The following VCL variants were observed in gnomAD, a reference collection of about 807,000 sequenced individuals.
VCL encodes vinculin, also known as epididymis luminal protein 114.
VCL carries 47 observed loss-of-function variants against 125.7 expected under a neutral mutation model. The ratio of observed to expected loss-of-function variants is 0.37; its 90% CI spans 0.30 to 0.48. VCL has a LOEUF of 0.48. VCL is among the 20% of genes least tolerant of loss of function. The probability of loss-of-function intolerance (pLI) is 0.99; values close to 1 mark genes in which losing one functional copy is unlikely to be tolerated. For synonymous variants in VCL, 458 were observed against 514.6 expected, an observed-to-expected ratio of 0.89 and a Z score of 1.49; for missense variants, 1,069 against 1,455.5, an observed-to-expected ratio of 0.73 and a Z score of 4.32.
Position 73,998,328 on chromosome 10 carries a change from A to C in VCL, c.121A>C (p.Thr41Pro). The C allele has an allele frequency of 6.4e-7, 1 of 1,566,092 alleles. No homozygotes were observed. Residue 41 changes from threonine (T) to proline (P), a missense_variant, in exon 1 of 22, where the codon ACC becomes CCC. Thr to Pro is a conservative substitution (Grantham distance 38, BLOSUM62 -1). Transcript: ENST00000211998. ...GGACGGCAAAGCCATTCCTGACCTC[A>C]CCGCGCCCGTGGCCGCCGTGCAGGC... ...EVDGKAIPDL[T>P]APVAAVQAAV...
chr10:74,104,473 T>C (rs1489005214), intron 15 of VCL, among the ~76,000 whole-genome samples: 3 of 152,052 alleles, frequency 2.0e-5, no homozygotes, highest in South Asian at 2.1e-4. Flanking sequence ...AAGGGAGAGA[T>C]AGGAAAGAAG....
chr10:74,013,441 A>G (rs932462248), intron 1 of VCL, among the ~76,000 whole-genome samples: 7 of 152,088 alleles, frequency 4.6e-5, no homozygotes, highest in African/African-American at 1.7e-4. Context: ...ATTCTCTATT[A>G]GTTTTGATCT....
intron 19 of VCL, among the ~76,000 whole-genome samples, chr10:74,112,562 C>T (rs1427955183): frequency 2.0e-5 from 3 of 152,118 alleles, no homozygotes; most frequent in Non-Finnish European, 2.9e-5. Context: ...CTTTATAGGG[C>T]AGGGTCTCTG....
At position 74,109,060 on chromosome 10, in the gene VCL, A is replaced by C. The variant is rs752902180; in HGVS notation, c.2649A>C (p.Glu883Asp). 40 of 1,614,028 alleles carry C rather than the reference A, an allele frequency of 2.5e-5. No homozygotes were observed. The highest frequency in any genetic ancestry group is 2.5e-5 in the Non-Finnish European group (30 of 1,180,026). Residue 883 changes from glutamate (E) to aspartate (D), a missense_variant, in exon 18 of 22, where the codon GAA (glutamate) becomes GAC (aspartate). This residue lies in a region of VCL where 28 missense variants were observed against 65.1 expected (regional missense o/e 0.43). Coordinates refer to ENST00000211998, the MANE Select transcript of VCL (RefSeq NM_014000.3). ...CTCCACCACCAGAGGAAAAGGATGA[A>C]GAGTTCCCTGAGCAGAAGGCCGGGG... ...PRPPPPEEKD[E>D]EFPEQKAGEV...
intron 2 of VCL, among the ~76,000 whole-genome samples, chr10:74,050,672 C>G (rs1377044649): frequency 6.6e-6 from 1 of 152,056 alleles, no homozygotes; most frequent in Non-Finnish European, 1.5e-5. Flanking sequence ...CAATTAATTA[C>G]TTAATCATAT....
At chr10:74,080,301 C>T (rs1363520044) in intron 6 of VCL, among the ~76,000 whole-genome samples, 2 of 151,914 alleles carry the variant, frequency 1.3e-5, no homozygotes, top group Non-Finnish European at 2.9e-5. Flanking sequence ...AGCAACTCTC[C>T]TTGGTAAAAG....
chr10:74,080,278 T>C (rs902591714), intron 6 of VCL, among the ~76,000 whole-genome samples: 3 of 152,126 alleles, frequency 2.0e-5, no homozygotes, highest in African/African-American at 7.2e-5. Flanking sequence ...TGTTGGAGAT[T>C]AGTAGAATCT....
At chr10:74,056,816 G>A (rs931367838) in intron 2 of VCL, among the ~76,000 whole-genome samples, 11 of 152,142 alleles carry the variant, frequency 7.2e-5, no homozygotes, top group South Asian at 2.1e-4. Context: ...CACAGAATGC[G>A]TCCATCTCTA....
intron 1 of VCL, among the ~76,000 whole-genome samples, chr10:74,032,710 ATATAT>A (rs1286202766): frequency 1.3e-4 from 17 of 134,526 alleles, no homozygotes; most frequent in Middle Eastern, 3.8e-3. Flanking sequence ...AAAAAAAAAA[ATATAT>A]ATATATATAT....
At chr10:74,104,256 G>A (rs1840100440) in intron 15 of VCL, among the ~76,000 whole-genome samples, 1 of 152,186 alleles carries the variant, frequency 6.6e-6, no homozygotes, top group Non-Finnish European at 1.5e-5. Context: ...CTGGGAGGCG[G>A]TGTTTGTGGA....
chr10:74,032,328 G>A (rs2136241212), intron 1 of VCL, among the ~76,000 whole-genome samples: 1 of 151,728 alleles, frequency 6.6e-6, no homozygotes, highest in Middle Eastern at 3.4e-3. Context: ...AGCTTGTGCT[G>A]CAAAGGACAC....
At chr10:74,062,954 C>T (rs7917915) in intron 2 of VCL, among the ~76,000 whole-genome samples, 9,554 of 152,126 alleles carry the variant, frequency 0.063, 1,036 homozygotes, top group African/African-American at 0.22. Flanking sequence ...CTTGTAATCC[C>T]GGCTACCTGG....
At chr10:74,023,917 C>T (rs1840721077) in intron 1 of VCL, among the ~76,000 whole-genome samples, 1 of 152,076 alleles carries the variant, frequency 6.6e-6, no homozygotes, top group Non-Finnish European at 1.5e-5. Context: ...CACTTTTCAG[C>T]AACTTCAGAA....
chr10:74,023,976 G>A (rs117372403), intron 1 of VCL, among the ~76,000 whole-genome samples: 199 of 152,222 alleles, frequency 1.3e-3, no homozygotes, highest in Middle Eastern at 3.4e-3. Context: ...TGTGTTTGCA[G>A]TAGTTGAAAA....
Position 74,114,913 on chromosome 10 carries a change from GT to G in VCL, c.3258+19del. 2 of 1,574,340 alleles carry G rather than the reference GT, an allele frequency of 1.3e-6. No individual in the cohort carries two copies. The highest frequency in any genetic ancestry group is 1.7e-6 in the Non-Finnish European group (2 of 1,159,078). ...GAGTCTGAGCAGGTATGTGGCAGCT[GT>G]TTTTGGTTTCTGGCTGGCAGCTTCT... is the stretch of plus-strand genomic sequence containing the variant. On this transcript the variant is annotated intron_variant, in intron 21 of 21. Coordinates refer to ENST00000211998, the MANE Select transcript of VCL (RefSeq NM_014000.3).
intron 2 of VCL, among the ~76,000 whole-genome samples, chr10:74,069,239 T>C (rs7909764): frequency 0.063 from 9,520 of 151,830 alleles, 1,009 homozygotes; most frequent in African/African-American, 0.22. Context: ...GGGCTTTCAC[T>C]ATGTTGGCCA....
chr10:74,090,574 GAA>G (rs1313687852), intron 10 of VCL, among the ~76,000 whole-genome samples: 2 of 152,090 alleles, frequency 1.3e-5, no homozygotes, highest in Non-Finnish European at 2.9e-5. Context: ...GGCTAGCTAT[GAA>G]AAGACTCCTA....
chr10:74,009,712 C>T (rs2136225984), intron 1 of VCL, among the ~76,000 whole-genome samples: 1 of 151,668 alleles, frequency 6.6e-6, no homozygotes, highest in South Asian at 2.1e-4. Context: ...CGGGTTCAAG[C>T]AGTTCTCCTG....
At chr10:74,094,937 A>C (rs1447068173) in intron 11 of VCL, among the ~76,000 whole-genome samples, 4 of 152,202 alleles carry the variant, frequency 2.6e-5, no homozygotes, top group Non-Finnish European at 5.9e-5. Context: ...ATGTCTCTTT[A>C]AAAACAAAAC....
Sources: gnomAD v4.1 joint callset for allele counts (sites outside exome capture counted in the v4.1 genomes callset) on GRCh38, gnomAD v4.1.1 for gene constraint, gnomAD v4.1.1 regional missense constraint, MANE v1.5 for transcripts, NCBI Gene and HGNC (gene_info 2026-07-23, HGNC 2026-07-21) for gene names.